The following TOP2B variants were observed in gnomAD, a reference collection of about 807,000 sequenced individuals.
The protein encoded by TOP2B is DNA topoisomerase 2-beta.
In TOP2B, 51 loss-of-function variants were observed where a neutral mutation model predicts 193.5. That is an observed-to-expected ratio of 0.26 (90% CI 0.21 to 0.33). TOP2B has a LOEUF of 0.33. Among genes scored for constraint, TOP2B ranks in the 10% least tolerant of loss-of-function variants. The pLI, the probability that TOP2B is intolerant of heterozygous loss-of-function variation, is 1.00. For synonymous variants in TOP2B, 634 were observed against 635.7 expected (o/e 1.00, Z 0.04); for missense variants, 1,378 against 1,909.3 (o/e 0.72, Z 5.19).
At chr3:25,640,752 C>CTTTTTTTTTTTTTTTTT (rs372465937) in intron 4 of TOP2B, among the ~76,000 whole-genome samples, 2 of 106,992 alleles carry the variant, frequency 1.9e-5, no homozygotes, top group Non-Finnish European at 3.8e-5. Flanking sequence ...TCTTCGTTGT[C>CTTTTTTTTTTTTTTTTT]TTTTTTTTTT....
At chr3:25,653,052 T>C (rs920919605) in intron 1 of TOP2B, among the ~76,000 whole-genome samples, 1 of 152,078 alleles carries the variant, frequency 6.6e-6, no homozygotes, top group Admixed American at 6.5e-5. Flanking sequence ...AAGAAATGAA[T>C]ACATTCCAAA....
intron 1 of TOP2B, 120 bp downstream of exon 1, chr3:25,664,109 G>A (rs1163792431): frequency 3.5e-6 from 5 of 1,440,228 alleles, no homozygotes; most frequent in Middle Eastern, 4.8e-4. Flanking sequence ...AGGCCCCTAT[G>A]GAGCGCCCGT....
chr3:25,607,976 G>A (rs1702276168), intron 30 of TOP2B, among the ~76,000 whole-genome samples: 1 of 151,998 alleles, frequency 6.6e-6, no homozygotes, highest in South Asian at 2.1e-4. Context: ...TTAGACACAG[G>A]GTCTTGCCAT....
chr3:25,664,129 G>C lies in TOP2B; in HGVS notation c.69+100C>G, dbSNP rs991686413. On this transcript the variant is annotated intron_variant, in intron 1 of 35. Transcript: ENST00000264331. ...CCTATGGAGCGCCCGTTCGGGGGAC[G>C]GGATTTCCCTCCCTTTCCCCTCCCC... The C allele has an allele frequency of 8.7e-6, 13 of 1,499,500 alleles. No homozygotes were observed. In the South Asian group the frequency reaches 9.7e-5, roughly 11 times the overall value. 92.9% of individuals were successfully genotyped at this position (1,499,500 alleles called of 1,614,324 possible). A position where few individuals can be genotyped will look rare whatever the true frequency, so the allele number is the denominator to read the frequency against.
chr3:25,600,490 C>T (rs940795941), intron 34 of TOP2B, among the ~76,000 whole-genome samples: 1 of 152,172 alleles, frequency 6.6e-6, no homozygotes, highest in Non-Finnish European at 1.5e-5. Flanking sequence ...GCTCCTTATC[C>T]CAACCACTCC....
At chr3:25,601,065 A>C (rs1297674255) in intron 34 of TOP2B, 35 bp downstream of exon 34, 1 of 1,600,016 alleles carries the variant, frequency 6.2e-7, no homozygotes, top group Non-Finnish European at 8.5e-7. Context: ...TCCACACAGC[A>C]TATGTTTAAA....
At chr3:25,651,864 C>CAA (rs753903605) in intron 1 of TOP2B, among the ~76,000 whole-genome samples, 10 of 90,042 alleles carry the variant, frequency 1.1e-4, no homozygotes, top group Admixed American at 3.6e-4. Context: ...GATTGTGTCT[C>CAA]AAAAAAAAAA....
At chr3:25,598,947 A>G (rs769668715) in intron 35 of TOP2B, among the ~76,000 whole-genome samples, 5 of 152,192 alleles carry the variant, frequency 3.3e-5, no homozygotes, top group African/African-American at 4.8e-5. Context: ...GAAGAGGTCA[A>G]TGTGGAAATC....
chr3:25,632,608 T>G (rs1026761069), intron 9 of TOP2B, 25 bp from the exon 10 acceptor site: 9 of 1,601,604 alleles, frequency 5.6e-6, no homozygotes, highest in Non-Finnish European at 7.6e-6. Flanking sequence ...CCCAAAAAAG[T>G]CAATATCAGA....
chr3:25,664,647 C>T lies in TOP2B; in HGVS notation c.-350G>A. On this transcript the variant is annotated 5_prime_UTR_variant, in exon 1 of 36. Transcript: ENST00000264331. ...CCGGGCTGAAGCCCGGGCGTGCGAG[C>T]CGCGAGGGCGGCCGGGGAGCCCGAG... is the stretch of plus-strand genomic sequence containing the variant. The T allele has an allele frequency of 3.0e-6, 3 of 989,200 alleles. No homozygotes were observed. Among genetic ancestry groups the T allele is most frequent in the Non-Finnish European group, 3.6e-6 (3 of 832,820 alleles). 61.3% of individuals were successfully genotyped at this position (989,200 alleles called of 1,614,324 possible). A position where few individuals can be genotyped will look rare whatever the true frequency, so the allele number is the denominator to read the frequency against.
intron 27 of TOP2B, 92 bp from the exon 28 acceptor site, chr3:25,612,801 C>T: frequency 1.1e-6 from 1 of 930,320 alleles, no homozygotes; most frequent in African/African-American, 1.6e-5. Context: ...ATGTTATTCA[C>T]TCAGTAAAGA....
At chr3:25,629,923 A>G in intron 13 of TOP2B, 106 bp downstream of exon 13, 1 of 1,206,652 alleles carries the variant, frequency 8.3e-7, no homozygotes, top group Non-Finnish European at 1.1e-6. Context: ...CTGATGTATA[A>G]TCACTTTCAG....
chr3:25,663,887 A>G (rs1703995094), intron 1 of TOP2B, among the ~76,000 whole-genome samples: 1 of 152,112 alleles, frequency 6.6e-6, no homozygotes, highest in Non-Finnish European at 1.5e-5. Context: ...CACTTGCATT[A>G]TCGCCATCCC....
intron 11 of TOP2B, 105 bp downstream of exon 11, chr3:25,630,696 T>C: frequency 5.3e-6 from 6 of 1,137,170 alleles, no homozygotes; most frequent in Non-Finnish European, 7.2e-6. Flanking sequence ...AATCATACTC[T>C]GAATGGAAAA....
At chr3:25,663,758 ATTC>A (rs1703989929) in intron 1 of TOP2B, among the ~76,000 whole-genome samples, 1 of 152,280 alleles carries the variant, frequency 6.6e-6, no homozygotes, top group African/African-American at 2.4e-5. Flanking sequence ...ATCCCAATGC[ATTC>A]TTCTTTGAGA....
chr3:25,630,594 T>C lies in TOP2B; in HGVS notation c.1406-125A>G, dbSNP rs1240795000. The C allele has an allele frequency of 1.1e-5, 10 of 874,968 alleles. No individual in the cohort carries two copies. In the Admixed American group the frequency reaches 3.1e-4, roughly 27 times the overall value. The allele number at this position is 874,968 out of a possible 1,614,324, so 54.2% of individuals were successfully genotyped here. ...AGACTATAAAAGTTATTTTACATTATTGCTCAGTATAAATATTAAGTATAT... is the reference window on the plus strand; with the variant it reads ...AGACTATAAAAGTTATTTTACATTACTGCTCAGTATAAATATTAAGTATAT... On this transcript the variant is annotated intron_variant, in intron 11 of 35. Coordinates refer to ENST00000264331, the MANE Select transcript of TOP2B (RefSeq NM_001330700.2).
At chr3:25,630,566 G>A (rs1553641785) in intron 11 of TOP2B, 97 bp from the exon 12 acceptor site, 2 of 1,030,350 alleles carry the variant, frequency 1.9e-6, no homozygotes, top group Non-Finnish European at 2.8e-6. Flanking sequence ...TGCTGACAGT[G>A]AAAGACTATA....
intron 28 of TOP2B, 108 bp from the exon 29 acceptor site, chr3:25,609,820 A>C: frequency 4.4e-6 from 5 of 1,148,440 alleles, no homozygotes; most frequent in Non-Finnish European, 5.8e-6. Flanking sequence ...AAATTTAAAA[A>C]CAGTGATTCT....
rs745861753 is a variant in TOP2B at position 25,606,032 on chromosome 3, A to C, written c.4378+11T>G. Reference sequence around the variant, plus strand: ...AATACAATAACCAATGAAAAGACTAAATGAACATACCATCTTCTGACTTCT... The same window carrying C: ...AATACAATAACCAATGAAAAGACTACATGAACATACCATCTTCTGACTTCT... On this transcript the variant is annotated intron_variant, in intron 32 of 35. Coordinates refer to ENST00000264331, the MANE Select transcript of TOP2B (RefSeq NM_001330700.2). 2.1e-6 allele frequency: 3 copies of C among 1,434,430 alleles called. No individual in the cohort carries two copies. Among genetic ancestry groups the C allele is most frequent in the East Asian group, 2.6e-5 (1 of 39,138 alleles). 88.9% of individuals were successfully genotyped at this position (1,434,430 alleles called of 1,614,324 possible).
Sources: allele counts gnomAD v4.1 joint callset (sites outside exome capture counted in the v4.1 genomes callset), GRCh38; gene constraint gnomAD v4.1.1; transcripts MANE v1.5; gene names NCBI Gene and HGNC (gene_info 2026-07-23, HGNC 2026-07-21).